Variants in USP42 observed in about 807,000 individuals in gnomAD.
USP42 encodes the protein ubiquitin specific peptidase 42, also known as ubiquitin carboxyl-terminal hydrolase 42.
Under a neutral mutation model 113.0 loss-of-function variants are expected in USP42, and 23 were observed. The observed-to-expected ratio is 0.20, with a 90% CI of 0.15 to 0.29. The LOEUF (loss-of-function observed/expected upper bound fraction) is 0.29. Among genes scored for constraint, USP42 ranks in the 10% least tolerant of loss-of-function variants. The pLI, the probability that USP42 is intolerant of heterozygous loss-of-function variation, is 1.00. For missense variants in USP42, 2,174 were observed against 1,779.8 expected (o/e 1.22, Z -3.99); for synonymous variants, 933 against 699.0 (o/e 1.33, Z -5.28).
intron 2 of USP42, among the ~76,000 whole-genome samples, chr7:6,112,901 T>G (rs1375868535): frequency 1.5e-5 from 1 of 67,868 alleles, no homozygotes; most frequent in Non-Finnish European, 2.6e-5. Context: ...AGTAAGTTTC[T>G]TTTTTTTTTT....
intron 2 of USP42, among the ~76,000 whole-genome samples, chr7:6,113,366 C>G (rs1264111887): frequency 6.6e-6 from 1 of 152,144 alleles, no homozygotes; most frequent in African/African-American, 2.4e-5. Flanking sequence ...GGACCTCTTT[C>G]TCCACGGCCT....
the USP42 span, among the ~76,000 whole-genome samples, chr7:6,095,210 C>T: frequency 6.6e-6 from 1 of 151,164 alleles, no homozygotes; most frequent in South Asian, 2.1e-4. Context: ...GCTCAGTGAA[C>T]CCAGTGAGGG....
At chr7:6,103,738 C>CCAA (rs1260125595), upstream of USP42, among the ~76,000 whole-genome samples, 1 of 100,916 alleles carries the variant, frequency 9.9e-6, no homozygotes, top group African/African-American at 4.8e-5. Flanking sequence ...CCCGTCTCTA[C>CCAA]AAAAAAAAAA....
chr7:6,152,388 C>T (rs768465031), intron 14 of USP42, among the ~76,000 whole-genome samples: 3 of 152,236 alleles, frequency 2.0e-5, no homozygotes, highest in Non-Finnish European at 2.9e-5. Context: ...CAGTGAAAAC[C>T]GTGCCAGTGA....
chr7:6,155,430 A>G (rs1346253165), intron 15 of USP42, among the ~76,000 whole-genome samples: 3 of 152,114 alleles, frequency 2.0e-5, no homozygotes, highest in African/African-American at 4.8e-5. Flanking sequence ...ATGCCTAACA[A>G]CCTTCTTTTT....
chr7:6,122,184 C>G (rs76790043), intron 3 of USP42, among the ~76,000 whole-genome samples: 2,042 of 151,718 alleles, frequency 0.013, 29 homozygotes, highest in Middle Eastern at 0.062. Context: ...GATTTGAGAT[C>G]TTTCTTCTTT....
At chr7:6,126,153 TTA>T (rs1260771975) in intron 3 of USP42, among the ~76,000 whole-genome samples, 1 of 152,232 alleles carries the variant, frequency 6.6e-6, no homozygotes, top group African/African-American at 2.4e-5. Flanking sequence ...GTTACGTGAA[TTA>T]TATAGTATGT....
At chr7:6,114,527 T>C (rs1057503741) in intron 2 of USP42, among the ~76,000 whole-genome samples, 1 of 151,286 alleles carries the variant, frequency 6.6e-6, no homozygotes, top group African/African-American at 2.4e-5. Context: ...AAAGAGTTTT[T>C]TCTAAAAATC....
At chr7:6,099,922 C>G in the USP42 span, among the ~76,000 whole-genome samples, 2 of 149,624 alleles carry the variant, frequency 1.3e-5, no homozygotes, top group African/African-American at 5.1e-5. Flanking sequence ...AAGATCACAC[C>G]ACTGCAGTCC....
At chr7:6,116,704 G>C in intron 3 of USP42, 1 of 487,860 alleles carries the variant, frequency 2.0e-6, no homozygotes, top group Non-Finnish European at 4.0e-6. Context: ...AGAAACCAAA[G>C]AAAAATCACC....
At chr7:6,142,196 T>G (rs1367663464) in intron 7 of USP42, among the ~76,000 whole-genome samples, 2 of 151,694 alleles carry the variant, frequency 1.3e-5, no homozygotes, top group Non-Finnish European at 1.5e-5. Context: ...ATCATACTAC[T>G]AAATGAAAAT....
the USP42 span, among the ~76,000 whole-genome samples, chr7:6,089,874 A>G: frequency 6.6e-6 from 1 of 150,970 alleles, no homozygotes; most frequent in Non-Finnish European, 1.5e-5. Context: ...GTGTCTGATG[A>G]AATATGGCTT....
chr7:6,124,946 T>A (rs1780444980), intron 3 of USP42, among the ~76,000 whole-genome samples: 2 of 152,152 alleles, frequency 1.3e-5, no homozygotes, highest in South Asian at 2.1e-4. Context: ...TTTGGGAGGC[T>A]GAGGTGGGCA....
In USP42 at chr7:6,139,393, A is replaced by G; in HGVS notation, c.656+199A>G. The G allele has an allele frequency of 2.2e-6, 1 of 462,914 alleles. No individual in the cohort carries two copies. The highest frequency in any genetic ancestry group is 3.6e-5 in the East Asian group (1 of 27,650). 28.7% of individuals were successfully genotyped at this position (462,914 alleles called of 1,614,324 possible). A position where few individuals can be genotyped will look rare whatever the true frequency, so the allele number is the denominator to read the frequency against. On this transcript the variant is annotated intron_variant, in intron 5 of 17. Transcript: ENST00000306177. The surrounding 1 kb of genome is among the most constrained non-coding windows in gnomAD (Gnocchi z 4.5). ...GAAATTTACACGTGTGTCTTACGTAACAGTTTGAGTTGGCTCAATCATAGA... is the reference window on the plus strand; with the variant it reads ...GAAATTTACACGTGTGTCTTACGTAGCAGTTTGAGTTGGCTCAATCATAGA...
chr7:6,156,388 C>G (rs1014455826), intron 15 of USP42, among the ~76,000 whole-genome samples: 1 of 152,180 alleles, frequency 6.6e-6, no homozygotes, highest in African/African-American at 2.4e-5. Flanking sequence ...TGGGACTGTT[C>G]AGGATGGAGC....
chr7:6,085,541 G>A, the USP42 span, among the ~76,000 whole-genome samples: 1 of 149,756 alleles, frequency 6.7e-6, no homozygotes, highest in East Asian at 1.9e-4. Context: ...ATATAGAAGA[G>A]GGACCTGCTG....
Position 6,139,403 on chromosome 7 carries a change from T to C in USP42, c.656+209T>C. The C allele has an allele frequency of 2.2e-6, 1 of 449,376 alleles. No homozygotes were observed. Among genetic ancestry groups the C allele is most frequent in the Non-Finnish European group, 3.9e-6 (1 of 255,842 alleles). 27.8% of individuals were successfully genotyped at this position (449,376 alleles called of 1,614,324 possible). On this transcript the variant is annotated intron_variant, in intron 5 of 17. Coordinates refer to ENST00000306177, the MANE Select transcript of USP42 (RefSeq NM_032172.3). The surrounding 1 kb of genome is among the most constrained non-coding windows in gnomAD (Gnocchi z 4.5). Reference sequence around the variant, plus strand: ...CGTGTGTCTTACGTAACAGTTTGAGTTGGCTCAATCATAGATGTCAGGAAA... The same window carrying C: ...CGTGTGTCTTACGTAACAGTTTGAGCTGGCTCAATCATAGATGTCAGGAAA...
Position 6,150,562 on chromosome 7 carries a change from C to T in USP42, c.2201+56C>T, listed in dbSNP as rs1307536492. 3 of 1,432,928 alleles carry T rather than the reference C, an allele frequency of 2.1e-6. No homozygotes were observed. In the East Asian group the frequency reaches 6.9e-5, roughly 33 times the overall value. The allele number at this position is 1,432,928 out of a possible 1,614,324, so 88.8% of individuals were successfully genotyped here. On this transcript the variant is annotated intron_variant, in intron 14 of 17. Coordinates refer to ENST00000306177, the MANE Select transcript of USP42 (RefSeq NM_032172.3). ...GGCAGCATAGTAGGAAATCCAGTAG[C>T]CTCCAGATGTGTCAGTATTTGAATG...
At chr7:6,093,807 C>CAT in the USP42 span, among the ~76,000 whole-genome samples, 1 of 150,278 alleles carries the variant, frequency 6.7e-6, no homozygotes, top group African/African-American at 2.5e-5. Flanking sequence ...TTGTTTTTTT[C>CAT]ATAGTGGTTG....
Sources: gnomAD v4.1 joint callset for allele counts (sites outside exome capture counted in the v4.1 genomes callset) on GRCh38, gnomAD v4.1.1 for gene constraint, Gnocchi (gnomAD v3.1) non-coding constraint, MANE v1.5 for transcripts, NCBI Gene and HGNC (gene_info 2026-07-23, HGNC 2026-07-21) for gene names.